PNPLA5: variants seen among roughly 807,000 people sequenced by gnomAD.
PNPLA5 encodes the protein patatin-like phospholipase domain-containing protein 5.
Under a neutral mutation model 49.1 loss-of-function variants are expected in PNPLA5, and 44 were observed. That is an observed-to-expected ratio of 0.90 (90% CI 0.70 to 1.15). The LOEUF (loss-of-function observed/expected upper bound fraction) is 1.15. Among genes scored for constraint, PNPLA5 ranks in the 50% most tolerant of loss-of-function variants. The probability of loss-of-function intolerance (pLI) is 0.00; values close to 1 mark genes in which losing one functional copy is unlikely to be tolerated. For synonymous variants in PNPLA5, 243 were observed against 244.4 expected (o/e 0.99, Z 0.06); for missense variants, 603 against 564.0 (o/e 1.07, Z -0.70).
At position 43,886,418 on chromosome 22, in the gene PNPLA5, C is replaced by T; in HGVS notation, c.834G>A (p.Trp278Ter). Reference protein sequence around the residue: ...KEPPAPADGNWDAGCDQRWKG... With the variant: ...KEPPAPADGN ...TCCAGCGTTGGTCACAGCCAGCATC[C>T]CAGTTTCCGTCAGCCGGGGCTGGGG... Residue 278 changes from tryptophan to a stop codon, truncating the protein, a stop_gained, in exon 6 of 9, where the codon TGG becomes TGA. Transcript: ENST00000216177. LOFTEE classifies it high-confidence loss of function. 1.2e-6 allele frequency: 2 copies of T among 1,614,176 alleles called. No individual in the cohort carries two copies. Among genetic ancestry groups the T allele is most frequent in the Non-Finnish European group, 1.7e-6 (2 of 1,180,028 alleles).
chr22:43,890,940 G>GGGGC, intron 2 of PNPLA5, 122 bp downstream of exon 2: 2 of 1,298,162 alleles, frequency 1.5e-6, no homozygotes, highest in Non-Finnish European at 2.1e-6. Flanking sequence ...CTACAAACAG[G>GGGGC]TCCACCCGCC....
chr22:43,885,831 T>A (rs2049658238), intron 6 of PNPLA5, among the ~76,000 whole-genome samples: 1 of 152,198 alleles, frequency 6.6e-6, no homozygotes, highest in Non-Finnish European at 1.5e-5. Flanking sequence ...GGTTTCCTCA[T>A]CTGTACAATG....
At chr22:43,881,495 C>A in intron 8 of PNPLA5, 63 bp downstream of exon 8, 2 of 1,468,002 alleles carry the variant, frequency 1.4e-6, no homozygotes, top group Non-Finnish European at 9.2e-7. Context: ...TCCAGGGAAG[C>A]AGCTGGTGCG....
At chr22:43,889,666 C>T in intron 3 of PNPLA5, 128 bp from the exon 4 acceptor site, 1 of 1,517,474 alleles carries the variant, frequency 6.6e-7, no homozygotes, top group Non-Finnish European at 8.8e-7. Context: ...GCTGAACGCC[C>T]CCCAGGAGCA....
In PNPLA5 at chr22:43,880,292, T is replaced by C. The variant is rs986539811; in HGVS notation, c.*503A>G. 1.8e-5 allele frequency: 7 copies of C among 397,460 alleles called. No individual in the cohort carries two copies. Among genetic ancestry groups the C allele is most frequent in the Non-Finnish European group, 3.1e-5 (7 of 225,900 alleles). The allele number at this position is 397,460 out of a possible 1,614,324, so 24.6% of individuals were successfully genotyped here. On this transcript the variant is annotated 3_prime_UTR_variant, in exon 9 of 9. Transcript: ENST00000216177. ...TCCACCCTCTGGACCTGATAGGAAT[T>C]CAGAAGTCAAGGTTTCCTGAGTGGG...
At chr22:43,882,034 AC>A (rs1434524245) in intron 7 of PNPLA5, among the ~76,000 whole-genome samples, 2 of 152,190 alleles carry the variant, frequency 1.3e-5, no homozygotes, top group Non-Finnish European at 2.9e-5. Flanking sequence ...GGTGACCTGC[AC>A]AGGTCAGGGA....
At position 43,889,828 on chromosome 22, in the gene PNPLA5, C is replaced by A; in HGVS notation, c.463G>T (p.Gly155Trp). 6.2e-7 allele frequency: 1 copy of A among 1,613,400 alleles called. No homozygotes were observed. The highest frequency in any genetic ancestry group is 8.5e-7 in the Non-Finnish European group (1 of 1,179,794). Residue 155 changes from glycine to tryptophan, a missense_variant, in exon 3 of 9, where the codon GGG becomes TGG. Coordinates refer to ENST00000216177, the MANE Select transcript of PNPLA5 (RefSeq NM_138814.4). ...VCTLYFPFYCGLIPPEFRGER... is the reference protein window; with the variant it reads ...VCTLYFPFYCWLIPPEFRGER... ...CCTCTGAACTCGGGGGGGATCAGCC[C>A]GCAGTAGAAAGGAAAGTATAAGGTG...
intron 2 of PNPLA5, among the ~76,000 whole-genome samples, chr22:43,890,656 G>A (rs974510591): frequency 2.0e-5 from 3 of 152,188 alleles, no homozygotes; most frequent in African/African-American, 7.2e-5. Context: ...GTTTCTGTCT[G>A]TTTTGCTCCC....
At chr22:43,887,764 T>G in intron 4 of PNPLA5, 113 bp from the exon 5 acceptor site, 2 of 1,530,780 alleles carry the variant, frequency 1.3e-6, no homozygotes, top group Non-Finnish European at 1.8e-6. Flanking sequence ...CCCAGCCTAT[T>G]CTCCCCAAGT....
intron 8 of PNPLA5, among the ~76,000 whole-genome samples, chr22:43,881,186 A>G (rs2148324083): frequency 6.6e-6 from 1 of 152,322 alleles, no homozygotes; most frequent in Middle Eastern, 3.4e-3. Flanking sequence ...GGACCAGGCC[A>G]CTGCAGGCCA....
chr22:43,884,912 C>A (rs558149676), intron 6 of PNPLA5, among the ~76,000 whole-genome samples: 6 of 152,210 alleles, frequency 3.9e-5, no homozygotes, highest in South Asian at 2.1e-4. Flanking sequence ...CAGGCCACCA[C>A]GTCCACTCTG....
intron 4 of PNPLA5, among the ~76,000 whole-genome samples, chr22:43,888,371 A>AGTAT (rs1556478423): frequency 4.4e-5 from 5 of 112,968 alleles, no homozygotes; most frequent in Admixed American, 9.7e-5. Context: ...GGGGCAGAGG[A>AGTAT]GTGTGTGTGT....
intron 7 of PNPLA5, among the ~76,000 whole-genome samples, chr22:43,883,581 G>A (rs1000467964): frequency 2.0e-5 from 3 of 152,164 alleles, no homozygotes; most frequent in Admixed American, 1.3e-4. Context: ...AGGGCGAGGC[G>A]GGCGGATTGC....
intron 7 of PNPLA5, 43 bp downstream of exon 7, chr22:43,884,170 G>C: frequency 8.3e-7 from 1 of 1,205,066 alleles, no homozygotes; most frequent in Non-Finnish European, 1.1e-6. Context: ...ACCAGTCTCC[G>C]CCACAAGCCA....
chr22:43,881,790 A>G (rs2049613522), intron 7 of PNPLA5, 116 bp from the exon 8 acceptor site: 2 of 1,463,556 alleles, frequency 1.4e-6, no homozygotes, highest in African/African-American at 2.8e-5. Flanking sequence ...AGGGCTGCCC[A>G]GGTTAGGGAA....
At position 43,889,339 on chromosome 22, in the gene PNPLA5, G is replaced by A. The variant is rs747408439; in HGVS notation, c.692C>T (p.Pro231Leu). The A allele has an allele frequency of 3.2e-5, 51 of 1,613,822 alleles. 1 individual carries two copies. In the Middle Eastern group the frequency reaches 9.9e-4, roughly 31 times the overall value. Reference sequence around the variant, plus strand: ...CAGGGCCAGACCTACCTCGAGGCTGGGGGGTATGAGACATATGAGCCCCAG... The same window carrying A: ...CAGGGCCAGACCTACCTCGAGGCTGAGGGGTATGAGACATATGAGCCCCAG... ...FFLGLICLIP[P>L]SLEVVADNCR... The change falls in exon 4 of 9, where the codon CCC becomes CTC. Residue 231 changes from proline (P) to leucine (L), a missense_variant. Pro to Leu is a moderately conservative substitution (Grantham distance 98). Coordinates refer to ENST00000216177, the MANE Select transcript of PNPLA5 (RefSeq NM_138814.4).
Position 43,881,546 on chromosome 22 carries a change from TGC to T in PNPLA5, c.1199+10_1199+11del. 1 of 1,571,618 alleles carries T rather than the reference TGC, an allele frequency of 6.4e-7. No homozygotes were observed. Among genetic ancestry groups the T allele is most frequent in the Non-Finnish European group, 8.6e-7 (1 of 1,158,906 alleles). On this transcript the variant is annotated intron_variant, in intron 8 of 8. Transcript: ENST00000216177. ...CCACCCCCTCTCCATCCCTGCCCTC[TGC>T]CCACCTCACCTGATGGGCCCAAGGA...
At position 43,886,212 on chromosome 22, in the gene PNPLA5, A is replaced by G. The variant is rs1384458037; in HGVS notation, c.949+91T>C. 4.2e-6 allele frequency: 6 copies of G among 1,428,006 alleles called. No individual in the cohort carries two copies. In the African/African-American group the frequency reaches 7.2e-5, roughly 17 times the overall value. The allele number at this position is 1,428,006 out of a possible 1,614,324, so 88.5% of individuals were successfully genotyped here. A position where few individuals can be genotyped will look rare whatever the true frequency, so the allele number is the denominator to read the frequency against. On this transcript the variant is annotated intron_variant, in intron 6 of 8. Transcript: ENST00000216177. The stretch of plus-strand genomic sequence containing the variant: ...CAGTAAATGAGTCCTGTCCTCTTCC[A>G]GACCACGAGTGCCTTCAAGGCAGGG...
intron 2 of PNPLA5, chr22:43,890,085 C>G: frequency 1.0e-6 from 1 of 985,352 alleles, no homozygotes; most frequent in Non-Finnish European, 1.2e-6. Flanking sequence ...TGTGGGTGTG[C>G]AGGGAAGGAG....
Sources: gnomAD v4.1 joint callset for allele counts (sites outside exome capture counted in the v4.1 genomes callset) on GRCh38, gnomAD v4.1.1 for gene constraint, MANE v1.5 for transcripts, NCBI Gene and HGNC (gene_info 2026-07-23, HGNC 2026-07-21) for gene names.